Variants in ACVR1 observed in about 807,000 individuals in gnomAD.
ACVR1 encodes the protein activin A receptor type 1, also known as activin receptor type-1.
Under a neutral mutation model 57.1 loss-of-function variants are expected in ACVR1, and 38 were observed. The ratio of observed to expected loss-of-function variants is 0.67; its 90% CI spans 0.51 to 0.87. ACVR1 has a LOEUF of 0.87. Among genes scored for constraint, ACVR1 ranks in the 40% least tolerant of loss-of-function variants. The probability of loss-of-function intolerance (pLI) is 0.00; values close to 1 mark genes in which losing one functional copy is unlikely to be tolerated. For synonymous variants in ACVR1, 212 were observed against 228.1 expected (o/e 0.93, Z 0.63); for missense variants, 463 against 638.2 (o/e 0.73, Z 2.96).
chr2:157,833,420 T>C (rs1337434941), intron 1 of ACVR1, among the ~76,000 whole-genome samples: 3 of 152,144 alleles, frequency 2.0e-5, no homozygotes, highest in East Asian at 1.9e-4. Context: ...CTGGTGGAAA[T>C]GGAGGATGGC....
chr2:157,755,172 T>C (rs1208649540), intron 9 of ACVR1, among the ~76,000 whole-genome samples: 1 of 152,104 alleles, frequency 6.6e-6, no homozygotes, highest in African/African-American at 2.4e-5. Context: ...AGGGAAAAAG[T>C]TGAAAGCATT....
intron 5 of ACVR1, among the ~76,000 whole-genome samples, chr2:157,777,133 T>G (rs1319096119): frequency 6.6e-6 from 1 of 152,210 alleles, no homozygotes; most frequent in Non-Finnish European, 1.5e-5. Flanking sequence ...TTTCCCCACT[T>G]AAAGTTCAAA....
intron 9 of ACVR1, among the ~76,000 whole-genome samples, chr2:157,758,916 A>G (rs891074917): frequency 6.6e-6 from 1 of 152,132 alleles, no homozygotes; most frequent in Non-Finnish European, 1.5e-5. Context: ...GAAGAAATTA[A>G]GAAGGAAATA....
At chr2:157,822,411 A>G (rs1466066233) in intron 1 of ACVR1, among the ~76,000 whole-genome samples, 1 of 152,224 alleles carries the variant, frequency 6.6e-6, no homozygotes, top group Non-Finnish European at 1.5e-5. Flanking sequence ...CCTAATCCTA[A>G]CAATGAAATT....
intron 1 of ACVR1, among the ~76,000 whole-genome samples, chr2:157,820,354 G>T (rs966060178): frequency 6.6e-6 from 1 of 152,056 alleles, no homozygotes; most frequent in South Asian, 2.1e-4. Flanking sequence ...AAGATGCTGG[G>T]GCCAGGGAAA....
At chr2:157,820,374 T>G (rs1688119303) in intron 1 of ACVR1, among the ~76,000 whole-genome samples, 1 of 152,210 alleles carries the variant, frequency 6.6e-6, no homozygotes, top group Admixed American at 6.5e-5. Flanking sequence ...ATCTGGCAGA[T>G]TCACACTAAA....
intron 3 of ACVR1, among the ~76,000 whole-genome samples, chr2:157,789,212 A>G (rs968198668): frequency 6.6e-6 from 1 of 152,182 alleles, no homozygotes. Context: ...CCTACACTCC[A>G]GGTAGAAACA....
intron 6 of ACVR1, among the ~76,000 whole-genome samples, chr2:157,772,816 G>A (rs140586125): frequency 1.3e-5 from 2 of 152,268 alleles, no homozygotes; most frequent in African/African-American, 2.4e-5. Context: ...ACAATCTGCC[G>A]TGGAGGAGAA....
intron 1 of ACVR1, chr2:157,875,008 G>C (rs1690235616): frequency 6.6e-6 from 1 of 151,998 alleles, no homozygotes. Flanking sequence ...GGAGGGGTGG[G>C]GAGGGGGTGG....
At chr2:157,776,163 T>C (rs777392785) in intron 5 of ACVR1, among the ~76,000 whole-genome samples, 18 of 152,262 alleles carry the variant, frequency 1.2e-4, no homozygotes, top group Non-Finnish European at 2.1e-4. Flanking sequence ...TACTGTGTTA[T>C]TATATCATGA....
intron 9 of ACVR1, among the ~76,000 whole-genome samples, chr2:157,744,974 A>G (rs540278125): frequency 1.4e-4 from 22 of 152,330 alleles, no homozygotes; most frequent in African/African-American, 4.8e-4. Context: ...TGGGTAAAGT[A>G]CATGCTGTGA....
intron 6 of ACVR1, among the ~76,000 whole-genome samples, chr2:157,771,510 C>G (rs1237935693): frequency 6.6e-6 from 1 of 152,142 alleles, no homozygotes; most frequent in Non-Finnish European, 1.5e-5. Context: ...GCCTAGATAA[C>G]AAGGCAAGAG....
intron 3 of ACVR1, 121 bp downstream of exon 3, chr2:157,799,306 C>T (rs1253806856): frequency 2.9e-6 from 2 of 693,498 alleles, no homozygotes; most frequent in East Asian, 2.8e-5. Context: ...TCAATAATCA[C>T]CAAATATTTA....
At chr2:157,858,369 C>A (rs1689606097) in intron 1 of ACVR1, among the ~76,000 whole-genome samples, 1 of 151,670 alleles carries the variant, frequency 6.6e-6, no homozygotes, top group Non-Finnish European at 1.5e-5. Context: ...AAATTCTGAT[C>A]CCCACTTGAA....
At chr2:157,745,642 C>T (rs1684938097) in intron 9 of ACVR1, among the ~76,000 whole-genome samples, 2 of 152,130 alleles carry the variant, frequency 1.3e-5, no homozygotes, top group South Asian at 4.1e-4. Flanking sequence ...CATATTCCTG[C>T]CCCCAGTCAT....
chr2:157,792,996 C>T lies in ACVR1; in HGVS notation c.67+6431G>A, dbSNP rs1040476073. Among the ~76,000 whole-genome samples the T allele has an allele frequency of 4.6e-5, 7 of 152,156 alleles. 1 individual carries two copies. The South Asian group carries it at 1.2e-3, about 27-fold the overall frequency. On this transcript the variant is annotated intron_variant, in intron 3 of 10. Coordinates refer to ENST00000434821, the MANE Select transcript of ACVR1 (RefSeq NM_001111067.4). ...CATCCCGGGCTGCAGAGGAAAGTTC[C>T]GCAGGACAGTTTGCAGTGTTTTAAG...
At chr2:157,758,709 G>A (rs1233223805) in intron 9 of ACVR1, among the ~76,000 whole-genome samples, 2 of 151,906 alleles carry the variant, frequency 1.3e-5, no homozygotes, top group Non-Finnish European at 2.9e-5. Context: ...GACCTAACAG[G>A]CACTTACAGA....
intron 1 of ACVR1, among the ~76,000 whole-genome samples, chr2:157,819,937 T>TC (rs1307953525): frequency 2.6e-5 from 4 of 152,096 alleles, no homozygotes; most frequent in African/African-American, 9.7e-5. Context: ...CCTTTTTTTT[T>TC]AACCTCAAGG....
rs746945657 is a variant in ACVR1 at position 157,737,520 on chromosome 2, C to T, written c.*11G>A. On this transcript the variant is annotated 3_prime_UTR_variant, in exon 11 of 11. Transcript: ENST00000434821. ...CAACGTCAAATCTTCCTTCTTGACA[C>T]TATGAAAATGTCAACAGTCAGTTTT... 1 of 1,613,776 alleles carries T rather than the reference C, an allele frequency of 6.2e-7. No individual in the cohort carries two copies. The highest frequency in any genetic ancestry group is 1.3e-5 in the African/African-American group (1 of 74,920).
Sources: gnomAD v4.1 joint callset for allele counts (sites outside exome capture counted in the v4.1 genomes callset) on GRCh38, gnomAD v4.1.1 for gene constraint, MANE v1.5 for transcripts, NCBI Gene and HGNC (gene_info 2026-07-23, HGNC 2026-07-21) for gene names.